IGF1R: variants seen among roughly 807,000 people sequenced by gnomAD.
The protein encoded by IGF1R is insulin-like growth factor 1 receptor.
In IGF1R, 44 loss-of-function variants were observed where a neutral mutation model predicts 144.6. The observed-to-expected ratio is 0.30, with a 90% CI of 0.24 to 0.39. The LOEUF is 0.39. Ranked by LOEUF, IGF1R falls within the 10% of genes least tolerant of loss-of-function variation. The pLI, the probability that IGF1R is intolerant of heterozygous loss-of-function variation, is 1.00. For synonymous variants in IGF1R, 795 were observed against 722.8 expected, an observed-to-expected ratio of 1.10 and a Z score of -1.60; for missense variants, 1,355 against 1,833.7, an observed-to-expected ratio of 0.74 and a Z score of 4.77.
Position 98,708,054 on chromosome 15 carries a change from C to G in IGF1R, c.587C>G (p.Thr196Ser). Residue 196 changes from threonine to serine, a missense_variant, in exon 2 of 21, where the codon ACC (threonine) becomes AGC (serine). Transcript: ENST00000650285. ...GAGAAGCCGATGTGTGAGAAGACCACCATCAACAATGAGTACAACTACCGC... is the reference window on the plus strand; with the variant it reads ...GAGAAGCCGATGTGTGAGAAGACCAGCATCAACAATGAGTACAACTACCGC... ...MEEKPMCEKT[T>S]INNEYNYRCW... is the part of the protein sequence containing the mutation. 6.2e-7 allele frequency: 1 copy of G among 1,614,004 alleles called. No homozygotes were observed. The highest frequency in any genetic ancestry group is 1.1e-5 in the South Asian group (1 of 91,064).
chr15:98,775,684 C>T (rs932601510), intron 2 of IGF1R, among the ~76,000 whole-genome samples: 3 of 152,176 alleles, frequency 2.0e-5, no homozygotes, highest in Non-Finnish European at 2.9e-5. Context: ...GTCCCTGGTC[C>T]GCACTGAAGG....
chr15:98,723,412 GATTTGTGGCAAAGAAGATCTGCCGA>G, intron 2 of IGF1R, among the ~76,000 whole-genome samples: 1 of 152,328 alleles, frequency 6.6e-6, no homozygotes, highest in Non-Finnish European at 1.5e-5. Context: ...GCAAATGAAG[GATTTGTGGCAAAGAAGATCTGCCGA>G]AACAAATAAG....
At chr15:98,888,438 A>AGAGAGAGAGTGT (rs1555457179) in intron 2 of IGF1R, among the ~76,000 whole-genome samples, 47 of 143,454 alleles carry the variant, frequency 3.3e-4, no homozygotes, top group East Asian at 8.3e-4. Context: ...AGAGAGAGAG[A>AGAGAGAGAGTGT]GTGTGTGTGT....
rs1259424559 is a variant in IGF1R, at chr15:98,876,756, G to GT, written c.641-14567dup. Among the ~76,000 whole-genome samples, 4 of 152,246 alleles carry GT rather than the reference G, an allele frequency of 2.6e-5. No homozygotes were observed. The South Asian group carries it at 8.3e-4, about 32-fold the overall frequency. ...GAAGGTGGGAGTGTTCTTTGGTACA[G>GT]TTCCCCCAAAAAACTGGTTCTCATG... is the stretch of plus-strand genomic sequence containing the variant. On this transcript the variant is annotated intron_variant, in intron 2 of 20. Transcript: ENST00000650285.
chr15:98,739,125 A>AG (rs2054679128), intron 2 of IGF1R, among the ~76,000 whole-genome samples: 1 of 152,220 alleles, frequency 6.6e-6, no homozygotes, highest in Non-Finnish European at 1.5e-5. Flanking sequence ...TGTGCTGTGC[A>AG]GGAGCTGGGC....
At chr15:98,880,392 T>C (rs1452250516) in intron 2 of IGF1R, among the ~76,000 whole-genome samples, 2 of 152,256 alleles carry the variant, frequency 1.3e-5, no homozygotes, top group African/African-American at 2.4e-5. Context: ...TTTTTCTTTT[T>C]TCTCAATACT....
intron 11 of IGF1R, 115 bp downstream of exon 11, chr15:98,922,546 G>T: frequency 7.9e-7 from 1 of 1,273,700 alleles, no homozygotes; most frequent in Non-Finnish European, 1.1e-6. Flanking sequence ...ACCCAGGCCT[G>T]CCTGCTAAAT....
intron 4 of IGF1R, among the ~76,000 whole-genome samples, chr15:98,897,859 A>G (rs1342671617): frequency 2.0e-5 from 3 of 152,226 alleles, no homozygotes; most frequent in African/African-American, 7.2e-5. Flanking sequence ...ATAAGCTAGA[A>G]TAAATATCGT....
At chr15:98,887,437 A>T (rs893673737) in intron 2 of IGF1R, among the ~76,000 whole-genome samples, 30 of 147,464 alleles carry the variant, frequency 2.0e-4, no homozygotes, top group Admixed American at 1.1e-3. Flanking sequence ...TCTTATTACT[A>T]CTGCATTAAT....
At chr15:98,860,147 T>C (rs1489068271) in intron 2 of IGF1R, among the ~76,000 whole-genome samples, 1 of 152,240 alleles carries the variant, frequency 6.6e-6, no homozygotes, top group East Asian at 1.9e-4. Context: ...CTTGAAGTAT[T>C]GACTGATCCT....
intron 7 of IGF1R, among the ~76,000 whole-genome samples, 174 bp from the exon 8 acceptor site, chr15:98,912,870 T>C (rs2015083351): frequency 6.6e-6 from 1 of 152,230 alleles, no homozygotes; most frequent in Non-Finnish European, 1.5e-5. Flanking sequence ...AATGCCCGAC[T>C]GGGGAAGCCC....
intron 2 of IGF1R, among the ~76,000 whole-genome samples, chr15:98,719,662 G>A (rs929135708): frequency 1.3e-5 from 2 of 152,186 alleles, no homozygotes; most frequent in Admixed American, 6.5e-5. Flanking sequence ...ACTGGTGGCT[G>A]TGCAGTGATG....
chr15:98,863,556 G>T (rs927925635), intron 2 of IGF1R, among the ~76,000 whole-genome samples: 12 of 152,266 alleles, frequency 7.9e-5, no homozygotes, highest in African/African-American at 2.9e-4. Flanking sequence ...TTTTTTAACA[G>T]TGAGGGACAT....
intron 2 of IGF1R, among the ~76,000 whole-genome samples, chr15:98,874,582 G>A (rs1461372939): frequency 6.6e-6 from 1 of 152,206 alleles, no homozygotes; most frequent in Admixed American, 6.5e-5. Context: ...GGACCTGGGT[G>A]TTTAACCCAA....
At chr15:98,862,810 T>C (rs527832295) in intron 2 of IGF1R, among the ~76,000 whole-genome samples, 45 of 152,356 alleles carry the variant, frequency 3.0e-4, no homozygotes, top group African/African-American at 1.0e-3. Context: ...TTATTAACTT[T>C]TTAATTTGAA....
intron 2 of IGF1R, among the ~76,000 whole-genome samples, chr15:98,743,610 A>G (rs1030405206): frequency 6.6e-6 from 1 of 152,218 alleles, no homozygotes; most frequent in African/African-American, 2.4e-5. Context: ...GGGAACCTGG[A>G]GGCGGGCCAC....
Position 98,877,679 on chromosome 15 carries a change from A to G in IGF1R, c.641-13646A>G, listed in dbSNP as rs563951741. ...GCGTTGGAGGAGCTGTTCTTGTTCAATTTACTCAGCACCTGTGAAGAGGCT... is the reference window on the plus strand; with the variant it reads ...GCGTTGGAGGAGCTGTTCTTGTTCAGTTTACTCAGCACCTGTGAAGAGGCT... On this transcript the variant is annotated intron_variant, in intron 2 of 20. Coordinates refer to ENST00000650285, the MANE Select transcript of IGF1R (RefSeq NM_000875.5). Among the ~76,000 whole-genome samples the G allele has an allele frequency of 1.4e-4, 21 of 152,126 alleles. No homozygotes were observed. The South Asian group carries it at 4.0e-3, about 29-fold the overall frequency.
rs1034706764 is a variant in IGF1R, at chr15:98,960,508, TGAG to T, written c.*3070_*3072del. On this transcript the variant is annotated 3_prime_UTR_variant, in exon 21 of 21. Transcript: ENST00000650285. ...AAGAGAGCAGTGGTTCCTCAGGTTC[TGAG>T]GAGAGGAAGGTGTCCAGGCAGCACC... The T allele has an allele frequency of 2.1e-5, 5 of 233,238 alleles. No homozygotes were observed. Among genetic ancestry groups the T allele is most frequent in the Middle Eastern group, 1.2e-3 (1 of 806 alleles). 14.4% of individuals were successfully genotyped at this position (233,238 alleles called of 1,614,324 possible).
intron 13 of IGF1R, among the ~76,000 whole-genome samples, chr15:98,926,347 A>G (rs932986389): frequency 6.6e-6 from 1 of 152,158 alleles, no homozygotes; most frequent in African/African-American, 2.4e-5. Context: ...TAGTCAAAGG[A>G]TACAAAATTT....
Sources: gnomAD v4.1 joint callset for allele counts (sites outside exome capture counted in the v4.1 genomes callset) on GRCh38, gnomAD v4.1.1 for gene constraint, MANE v1.5 for transcripts, NCBI Gene and HGNC (gene_info 2026-07-23, HGNC 2026-07-21) for gene names.